CTTN: variants seen among roughly 807,000 people sequenced by gnomAD.
CTTN encodes the protein cortactin.
CTTN carries 28 observed loss-of-function variants against 84.0 expected under a neutral mutation model. That is an observed-to-expected ratio of 0.33 (90% CI 0.25 to 0.46). The LOEUF (loss-of-function observed/expected upper bound fraction) is 0.46, where lower values mean the gene tolerates loss of function less well. Ranked by LOEUF, CTTN falls within the 20% of genes least tolerant of loss-of-function variation. The probability of loss-of-function intolerance (pLI) is 1.00; values close to 1 mark genes in which losing one functional copy is unlikely to be tolerated. For synonymous variants in CTTN, 301 were observed against 288.8 expected (o/e 1.04, Z -0.43); for missense variants, 641 against 723.8 (o/e 0.89, Z 1.31).
intron 1 of CTTN, among the ~76,000 whole-genome samples, chr11:70,399,089 G>T (rs1170672020): frequency 2.0e-4 from 29 of 147,946 alleles, no homozygotes; most frequent in African/African-American, 7.3e-4. Flanking sequence ...TGGGGTTCGG[G>T]GGTCTGAGCG....
intron 12 of CTTN, among the ~76,000 whole-genome samples, chr11:70,423,440 G>A (rs1227612734): frequency 6.6e-6 from 1 of 152,224 alleles, no homozygotes; most frequent in African/African-American, 2.4e-5. Context: ...TCGTAGAGAC[G>A]CGGGCTCCAC....
chr11:70,414,083 C>T (rs1352967332), intron 5 of CTTN, among the ~76,000 whole-genome samples: 5 of 151,850 alleles, frequency 3.3e-5, no homozygotes, highest in East Asian at 1.9e-4. Flanking sequence ...CGGTGTCTCA[C>T]GCCTGTAATC....
Position 70,425,301 on chromosome 11 carries a change from C to T in CTTN, c.958-31C>T, listed in dbSNP as rs760785113. On this transcript the variant is annotated intron_variant, in intron 12 of 17. Coordinates refer to ENST00000301843, the MANE Select transcript of CTTN (RefSeq NM_005231.4). ...AGGGCATGGAGAAAAGAGAAAAGTG[C>T]TCTCCTGACGCCCATGTCCTGTCTC... 4.4e-6 allele frequency: 7 copies of T among 1,582,406 alleles called. No homozygotes were observed. In the Admixed American group the frequency reaches 1.0e-4, roughly 24 times the overall value.
Position 70,420,450 on chromosome 11 carries a change from G to GA in CTTN, c.731dup (p.Asp244GlufsTer17). On this transcript the variant is annotated frameshift_variant, in exon 10 of 18. Coordinates refer to ENST00000301843, the MANE Select transcript of CTTN (RefSeq NM_005231.4). LOFTEE classifies it high-confidence loss of function. Reference sequence around the variant, plus strand: ...ATTTGGTGTGCAGACAGACAGACAAGACAAATGTGCCCTTGGCTGGGATCA... The same window carrying GA: ...ATTTGGTGTGCAGACAGACAGACAAGAACAAATGTGCCCTTGGCTGGGATCA... 1 of 1,614,232 alleles carries GA rather than the reference G, an allele frequency of 6.2e-7. No individual in the cohort carries two copies. Among genetic ancestry groups the GA allele is most frequent in the Non-Finnish European group, 8.5e-7 (1 of 1,180,038 alleles).
chr11:70,416,816 A>G lies in CTTN; in HGVS notation c.458-197A>G. 4 of 565,060 alleles carry G rather than the reference A, an allele frequency of 7.1e-6. No homozygotes were observed. In the Admixed American group the frequency reaches 1.2e-4, roughly 17 times the overall value. The allele number at this position is 565,060 out of a possible 1,614,324, so 35.0% of individuals were successfully genotyped here. ...CCCTGTAACAGCTGACAGGGCCCAG[A>G]ACCCCCCCATGCACCTGTTGTGAAA... is the stretch of plus-strand genomic sequence containing the variant. On this transcript the variant is annotated intron_variant, in intron 7 of 17. Transcript: ENST00000301843.
At chr11:70,416,539 C>G (rs1052349966) in intron 7 of CTTN, among the ~76,000 whole-genome samples, 2 of 152,308 alleles carry the variant, frequency 1.3e-5, no homozygotes, top group Non-Finnish European at 2.9e-5. Flanking sequence ...TCAAACGATT[C>G]TCCTGCCTCA....
At chr11:70,420,601 C>T (rs1437058477) in intron 10 of CTTN, 91 bp downstream of exon 10, 2 of 895,286 alleles carry the variant, frequency 2.2e-6, no homozygotes, top group East Asian at 2.4e-5. Flanking sequence ...TCTGCGTGTG[C>T]CTGCTGCACA....
intron 9 of CTTN, chr11:70,420,139 C>T (rs991455763): frequency 2.3e-5 from 14 of 596,200 alleles, no homozygotes; most frequent in Middle Eastern, 4.3e-4. Flanking sequence ...TCTCATGGTG[C>T]GGGTGGAAGC....
In CTTN at chr11:70,436,466, C is replaced by A; in HGVS notation, c.*1304C>A. The stretch of plus-strand genomic sequence containing the variant: ...ATCATCCTTGCTTTACCACAATGAG[C>A]AATGAGGTCGGGTTTTATATGCAAC... On this transcript the variant is annotated 3_prime_UTR_variant, in exon 18 of 18. Transcript: ENST00000301843. 1.3e-6 allele frequency: 2 copies of A among 1,506,612 alleles called. No homozygotes were observed. The highest frequency in any genetic ancestry group is 1.8e-6 in the Non-Finnish European group (2 of 1,101,208). The allele number at this position is 1,506,612 out of a possible 1,614,324, so 93.3% of individuals were successfully genotyped here.
chr11:70,436,293 C>T lies in CTTN; in HGVS notation c.*1131C>T. 2 of 1,598,174 alleles carry T rather than the reference C, an allele frequency of 1.3e-6. No homozygotes were observed. Among genetic ancestry groups the T allele is most frequent in the South Asian group, 2.2e-5 (2 of 91,044 alleles). On this transcript the variant is annotated 3_prime_UTR_variant, in exon 18 of 18. Transcript: ENST00000301843. The stretch of plus-strand genomic sequence containing the variant: ...CACTCACTTTGTAGGAAACTCATCT[C>T]CTTCCTGAGGAGCCGGGAGGCTGGA...
chr11:70,429,212 G>A lies in CTTN; in HGVS notation c.1176+13G>A, dbSNP rs765003279. The A allele has an allele frequency of 4.4e-6, 7 of 1,608,448 alleles. No individual in the cohort carries two copies. The South Asian group carries it at 5.5e-5, about 13-fold the overall frequency. ...GAGGAAGCTGGAGGTGAGTGGCAAG[G>A]AGTGGGCCGCAGCGCACCCTCCCTG... is the stretch of plus-strand genomic sequence containing the variant. On this transcript the variant is annotated intron_variant, in intron 14 of 17. Coordinates refer to ENST00000301843, the MANE Select transcript of CTTN (RefSeq NM_005231.4).
chr11:70,417,275 G>C (rs1216824129), intron 8 of CTTN, 152 bp downstream of exon 8: 6 of 645,956 alleles, frequency 9.3e-6, no homozygotes, highest in Non-Finnish European at 1.7e-5. Flanking sequence ...TTCCTAATTC[G>C]AATGGCTGCA....
In CTTN at chr11:70,433,721, G is replaced by C; in HGVS notation, c.1516+3G>C. 6.2e-7 allele frequency: 1 copy of C among 1,611,866 alleles called. No individual in the cohort carries two copies. The highest frequency in any genetic ancestry group is 8.5e-7 in the Non-Finnish European group (1 of 1,178,002). On this transcript the variant is annotated splice_donor_region_variant and intron_variant, in intron 17 of 17. Coordinates refer to ENST00000301843, the MANE Select transcript of CTTN (RefSeq NM_005231.4). The stretch of plus-strand genomic sequence containing the variant: ...CGCCCTGTACGACTACCAGGCTGGT[G>C]AGCGGCCTGCAAAAGCACTTGGAGG...
intron 1 of CTTN, among the ~76,000 whole-genome samples, chr11:70,404,468 C>T (rs1051113676): frequency 6.6e-6 from 1 of 152,190 alleles, no homozygotes; most frequent in African/African-American, 2.4e-5. Flanking sequence ...CTCCTCGGCT[C>T]TCCAGCTGCC....
chr11:70,435,278 T>TTTTTAGGGG lies in CTTN; in HGVS notation c.*116_*117insTTTTAGGGG. 9.0e-7 allele frequency: 1 copy of TTTTTAGGGG among 1,113,744 alleles called. No individual in the cohort carries two copies. Among genetic ancestry groups the TTTTTAGGGG allele is most frequent in the South Asian group, 1.9e-5 (1 of 52,412 alleles). 69.0% of individuals were successfully genotyped at this position (1,113,744 alleles called of 1,614,324 possible). ...GTTTTTTTTTTTTTTTTTTTTTTTT[T>TTTTTAGGGG]GAAGGTGGGGAGGGGAATATACACA... is the stretch of plus-strand genomic sequence containing the variant. On this transcript the variant is annotated 3_prime_UTR_variant, in exon 18 of 18. Transcript: ENST00000301843.
At position 70,417,406 on chromosome 11, in the gene CTTN, G is replaced by A. The variant is rs145975473; in HGVS notation, c.568+283G>A. 9.8e-4 allele frequency among the ~76,000 whole-genome samples: 149 copies of A among 151,942 alleles called. 1 individual carries two copies. The highest frequency in any genetic ancestry group is 3.4e-3 in the Middle Eastern group (1 of 292). On this transcript the variant is annotated intron_variant, in intron 8 of 17. Coordinates refer to ENST00000301843, the MANE Select transcript of CTTN (RefSeq NM_005231.4). ...GGTAGAGATGAGGTCTTGCCGTGTT[G>A]CCCGGACTGGTCTTGATCTCCGTGG...
intron 1 of CTTN, among the ~76,000 whole-genome samples, chr11:70,400,869 G>A (rs1420727201): frequency 1.3e-5 from 2 of 152,222 alleles, no homozygotes; most frequent in African/African-American, 2.4e-5. Context: ...TTGAGTAAAC[G>A]GAGTAAATGT....
chr11:70,417,685 G>A (rs112090422), intron 8 of CTTN, among the ~76,000 whole-genome samples: 16 of 152,118 alleles, frequency 1.1e-4, no homozygotes, highest in African/African-American at 3.1e-4. Flanking sequence ...TAGTAGAGAC[G>A]GAGTTCTGCC....
At chr11:70,420,650 C>G in intron 10 of CTTN, 140 bp downstream of exon 10, 1 of 676,624 alleles carries the variant, frequency 1.5e-6, no homozygotes, top group Middle Eastern at 3.4e-4. Context: ...CCTGTGTGCC[C>G]CCCCAATCCC....
Sources: allele counts gnomAD v4.1 joint callset (sites outside exome capture counted in the v4.1 genomes callset), GRCh38; gene constraint gnomAD v4.1.1; transcripts MANE v1.5; gene names NCBI Gene and HGNC (gene_info 2026-07-23, HGNC 2026-07-21).